DCC: variants seen among roughly 807,000 people sequenced by gnomAD.
DCC encodes the protein DCC netrin 1 receptor, also known as netrin receptor DCC.
DCC carries 58 observed loss-of-function variants against 172.5 expected under a neutral mutation model. The observed-to-expected ratio is 0.34, with a 90% confidence interval of 0.27 to 0.42. The LOEUF (loss-of-function observed/expected upper bound fraction) is 0.42, where lower values mean the gene tolerates loss of function less well. Ranked by LOEUF, DCC falls within the 10% of genes least tolerant of loss-of-function variation. The pLI is 1.00. For synonymous variants in DCC, 709 were observed against 644.5 expected, an observed-to-expected ratio of 1.10 and a Z score of -1.52; for missense variants, 1,740 against 1,791.0, an observed-to-expected ratio of 0.97 and a Z score of 0.51.
At chr18:53,448,047 G>GTTTTTTTTTTTTT (rs35238619) in intron 22 of DCC, among the ~76,000 whole-genome samples, 46 of 113,720 alleles carry the variant, frequency 4.0e-4, no homozygotes, top group African/African-American at 1.5e-3. Context: ...ATTTTGATGA[G>GTTTTTTTTTTTTT]TTTTTTTTTT....
chr18:52,945,769 C>T (rs112285516), intron 5 of DCC, among the ~76,000 whole-genome samples: 44 of 125,774 alleles, frequency 3.5e-4, no homozygotes, highest in Non-Finnish European at 7.2e-4. Context: ...TGCTTGTCAA[C>T]CATGGGTCAC....
chr18:52,865,101 G>C (rs908427437), intron 2 of DCC, among the ~76,000 whole-genome samples: 2 of 151,926 alleles, frequency 1.3e-5, no homozygotes, highest in African/African-American at 4.8e-5. Context: ...TCCTGACCTC[G>C]TGATCCTCCC....
At chr18:52,521,988 A>C (rs888517338) in intron 1 of DCC, among the ~76,000 whole-genome samples, 5 of 152,224 alleles carry the variant, frequency 3.3e-5, no homozygotes, top group African/African-American at 9.6e-5. Flanking sequence ...AATCTTATTC[A>C]GTAAACATTG....
intron 15 of DCC, among the ~76,000 whole-genome samples, chr18:53,351,399 G>GTATATATATAC (rs1568075098): frequency 1.7e-4 from 4 of 24,090 alleles, no homozygotes; most frequent in East Asian, 2.1e-3. Flanking sequence ...TATATATACA[G>GTATATATATAC]TGTATATATA....
intron 8 of DCC, among the ~76,000 whole-genome samples, chr18:53,173,773 G>C (rs1254954283): frequency 2.1e-5 from 3 of 142,760 alleles, no homozygotes; most frequent in Non-Finnish European, 4.5e-5. Flanking sequence ...AGATCAACGA[G>C]ACAGAAAGTC....
intron 1 of DCC, among the ~76,000 whole-genome samples, chr18:52,585,954 G>A (rs917008449): frequency 6.6e-6 from 1 of 151,828 alleles, no homozygotes; most frequent in African/African-American, 2.4e-5. Flanking sequence ...GTCTTGGCGG[G>A]CCCCTGTAGT....
At chr18:52,542,712 G>A (rs1456447508) in intron 1 of DCC, among the ~76,000 whole-genome samples, 1 of 152,096 alleles carries the variant, frequency 6.6e-6, no homozygotes, top group Non-Finnish European at 1.5e-5. Flanking sequence ...GGTGGTGCAT[G>A]CCTGTAATCC....
At chr18:53,407,947 T>C (rs1007757201) in intron 19 of DCC, among the ~76,000 whole-genome samples, 9 of 152,186 alleles carry the variant, frequency 5.9e-5, no homozygotes, top group Admixed American at 1.3e-4. Context: ...ACTCCAAGTT[T>C]AATATTTAAC....
At chr18:53,198,360 G>C (rs1378110591) in intron 9 of DCC, among the ~76,000 whole-genome samples, 2 of 151,830 alleles carry the variant, frequency 1.3e-5, no homozygotes, top group African/African-American at 4.8e-5. Context: ...TTCTATCATA[G>C]GTAGAGTAGG....
chr18:53,214,011 A>G (rs553657804), intron 11 of DCC, among the ~76,000 whole-genome samples: 1 of 152,120 alleles, frequency 6.6e-6, no homozygotes, highest in East Asian at 1.9e-4. Flanking sequence ...AGTGTACACC[A>G]TGTGCCTTCA....
At chr18:53,239,883 A>G (rs1166676274) in intron 12 of DCC, among the ~76,000 whole-genome samples, 1 of 152,118 alleles carries the variant, frequency 6.6e-6, no homozygotes, top group African/African-American at 2.4e-5. Flanking sequence ...TAAAAGTGCT[A>G]CATAAGTAGA....
At chr18:52,713,129 G>A (rs2036322294) in intron 1 of DCC, among the ~76,000 whole-genome samples, 1 of 152,192 alleles carries the variant, frequency 6.6e-6, no homozygotes, top group South Asian at 2.1e-4. Flanking sequence ...CGAGGGACTT[G>A]TCCAAGTTGA....
chr18:53,463,375 A>G (rs2045582716), intron 24 of DCC, among the ~76,000 whole-genome samples: 1 of 152,192 alleles, frequency 6.6e-6, no homozygotes, highest in Admixed American at 6.5e-5. Flanking sequence ...CTCGTTGCCA[A>G]TTTTGTAACA....
intron 1 of DCC, among the ~76,000 whole-genome samples, chr18:52,541,756 C>T (rs1450177233): frequency 2.0e-5 from 3 of 151,494 alleles, no homozygotes; most frequent in Non-Finnish European, 4.4e-5. Flanking sequence ...ATTTATATGA[C>T]CTGGTCCCTC....
chr18:52,540,668 G>A (rs2032415745), intron 1 of DCC, among the ~76,000 whole-genome samples: 1 of 139,514 alleles, frequency 7.2e-6, no homozygotes, highest in African/African-American at 2.7e-5. Context: ...GTGCAGTGGC[G>A]CTATCTCGGC....
Position 52,710,260 on chromosome 18 carries a change from A to G in DCC, c.92-41794A>G, listed in dbSNP as rs570842734. The stretch of plus-strand genomic sequence containing the variant: ...AGACAGAATATCATGCAGCTATTAA[A>G]TTATCACCAAATAATTTTATTGTAC... On this transcript the variant is annotated intron_variant, in intron 1 of 28. Transcript: ENST00000442544. Among the ~76,000 whole-genome samples, 11 of 152,362 alleles carry G rather than the reference A, an allele frequency of 7.2e-5. No homozygotes were observed. The South Asian group carries it at 1.4e-3, about 20-fold the overall frequency.
chr18:53,133,942 T>C (rs1598835887), intron 7 of DCC, among the ~76,000 whole-genome samples: 1 of 152,040 alleles, frequency 6.6e-6, no homozygotes, highest in Non-Finnish European at 1.5e-5. Flanking sequence ...GCTGGAAAAA[T>C]AGTTGAGAGG....
At chr18:52,985,004 A>C (rs994972371) in intron 5 of DCC, among the ~76,000 whole-genome samples, 5 of 152,122 alleles carry the variant, frequency 3.3e-5, no homozygotes, top group African/African-American at 1.2e-4. Flanking sequence ...TAATCACTTA[A>C]TCACCACTTA....
At chr18:52,726,042 G>T (rs2036546708) in intron 1 of DCC, among the ~76,000 whole-genome samples, 1 of 152,192 alleles carries the variant, frequency 6.6e-6, no homozygotes, top group African/African-American at 2.4e-5. Context: ...TAAACTAACT[G>T]CTCAAGGTCA....
Sources: gnomAD v4.1 joint callset for allele counts (sites outside exome capture counted in the v4.1 genomes callset) on GRCh38, gnomAD v4.1.1 for gene constraint, MANE v1.5 for transcripts, NCBI Gene and HGNC (gene_info 2026-07-23, HGNC 2026-07-21) for gene names.